Variants in HMGB1 observed in about 807,000 individuals in gnomAD.
HMGB1 encodes high mobility group box 1.
For synonymous variants in HMGB1, 81 were observed against 84.0 expected, an observed-to-expected ratio of 0.96 and a Z score of 0.19; for missense variants, 79 against 253.5, an observed-to-expected ratio of 0.31 and a Z score of 4.67.
At chr13:30,579,018 A>G (rs1036962153) in intron 1 of HMGB1, among the ~76,000 whole-genome samples, 12 of 152,326 alleles carry the variant, frequency 7.9e-5, no homozygotes, top group Admixed American at 6.5e-5. Flanking sequence ...ACTTACCACA[A>G]GTTATTATAA....
chr13:30,560,556 A>G (rs1036296430), intron 1 of HMGB1, among the ~76,000 whole-genome samples: 1 of 152,172 alleles, frequency 6.6e-6, no homozygotes, highest in African/African-American at 2.4e-5. Flanking sequence ...TTTCCTCCCA[A>G]GGAGTATAAA....
At chr13:30,553,709 T>A (rs1869539089) in intron 1 of HMGB1, 2 of 1,032,730 alleles carry the variant, frequency 1.9e-6, no homozygotes, top group East Asian at 2.4e-5. Context: ...AGGAGTTGGA[T>A]GCTCAGCATC....
At position 30,559,487 on chromosome 13, in the gene HMGB1, T is replaced by G. The variant is rs940357344; in HGVS notation, c.-15+57184A>C. On this transcript the variant is annotated intron_variant, in intron 1 of 4. Transcript: ENST00000405805. This position sits in a 1 kb window ranked among gnomAD's most constrained non-coding sequence, Gnocchi z 6.6. ...AGCCAGACTCAAACCAACTGTGTAC[T>G]CTGTCCACACCTCTTCAGCAATATG... Among the ~76,000 whole-genome samples, 4 of 152,222 alleles carry G rather than the reference T, an allele frequency of 2.6e-5. No homozygotes were observed. Among genetic ancestry groups the G allele is most frequent in the Non-Finnish European group, 5.9e-5 (4 of 68,030 alleles).
chr13:30,563,395 C>T (rs760460748), intron 1 of HMGB1, among the ~76,000 whole-genome samples: 3 of 152,084 alleles, frequency 2.0e-5, no homozygotes, highest in Non-Finnish European at 4.4e-5. Flanking sequence ...GATCACTTAA[C>T]TCCAGGAGTT....
intron 1 of HMGB1, among the ~76,000 whole-genome samples, chr13:30,471,263 C>T (rs1420025283): frequency 6.6e-6 from 1 of 152,146 alleles, no homozygotes; most frequent in African/African-American, 2.4e-5. Context: ...AGCCAGCGCG[C>T]CTGGCCTATT....
chr13:30,554,399 A>T, intron 1 of HMGB1: 1 of 826,716 alleles, frequency 1.2e-6, no homozygotes, highest in Non-Finnish European at 2.1e-6. Context: ...TTATATTAAC[A>T]TTAAACAAGT....
chr13:30,494,490 T>TC (rs1253587172), intron 1 of HMGB1, among the ~76,000 whole-genome samples: 1 of 152,100 alleles, frequency 6.6e-6, no homozygotes, highest in African/African-American at 2.4e-5. Flanking sequence ...GCCTCCGGTG[T>TC]AGCTGGGATT....
rs60947686 is a variant in HMGB1, at chr13:30,578,368, CTTTTTTTTTTTT to C, written c.-15+38291_-15+38302del. ...TCAAGATCAGAGACCAGTTCTTGTT[CTTTTTTTTTTTT>C]TTTTTTTTTTTTTTTGTATCACAGT... On this transcript the variant is annotated intron_variant, in intron 1 of 4. Coordinates refer to the HMGB1 transcript ENST00000405805. Among the ~76,000 whole-genome samples the C allele has an allele frequency of 3.4e-4, 20 of 59,322 alleles. 1 individual carries two copies. Among genetic ancestry groups the C allele is most frequent in the African/African-American group, 1.1e-3 (17 of 15,074 alleles). The allele number at this position is 59,322 out of a possible 152,430, so 38.9% of individuals were successfully genotyped here.
At chr13:30,590,817 A>G (rs1871336164) in intron 1 of HMGB1, among the ~76,000 whole-genome samples, 2 of 152,148 alleles carry the variant, frequency 1.3e-5, no homozygotes, top group African/African-American at 4.8e-5. Flanking sequence ...CACACCACGA[A>G]GGCACCATGT....
At chr13:30,566,841 A>C (rs1051890644) in intron 1 of HMGB1, among the ~76,000 whole-genome samples, 2 of 152,250 alleles carry the variant, frequency 1.3e-5, no homozygotes, top group Non-Finnish European at 2.9e-5. Flanking sequence ...CAGTGATGAA[A>C]TATTTGAAAT....
chr13:30,479,753 T>C (rs1199589564), intron 1 of HMGB1, among the ~76,000 whole-genome samples: 1 of 152,234 alleles, frequency 6.6e-6, no homozygotes, highest in African/African-American at 2.4e-5. Flanking sequence ...TGAGTTTCAA[T>C]GAGCTCATAT....
intron 1 of HMGB1, among the ~76,000 whole-genome samples, chr13:30,544,644 G>A (rs944297228): frequency 6.6e-6 from 1 of 152,152 alleles, no homozygotes; most frequent in South Asian, 2.1e-4. Context: ...CCCCACACCT[G>A]GCCCTATGCA....
intron 1 of HMGB1, among the ~76,000 whole-genome samples, chr13:30,596,592 T>C (rs1298624171): frequency 6.6e-6 from 1 of 152,236 alleles, no homozygotes; most frequent in Non-Finnish European, 1.5e-5. Flanking sequence ...GAGTTGTGAC[T>C]AGAACCTGTT....
At chr13:30,582,530 C>T (rs1446599302) in intron 1 of HMGB1, among the ~76,000 whole-genome samples, 6 of 151,666 alleles carry the variant, frequency 4.0e-5, no homozygotes, top group South Asian at 2.1e-4. Context: ...CCCAGCTACT[C>T]GGGAGGCTGA....
rs1401317995 is a variant in HMGB1, at chr13:30,459,398, C to T, written c.*1959G>A. The T allele has an allele frequency of 6.6e-6, 1 of 152,144 alleles. No individual in the cohort carries two copies. Among genetic ancestry groups the T allele is most frequent in the East Asian group, 1.9e-4 (1 of 5,200 alleles). The allele number at this position is 152,144 out of a possible 1,614,324, so 9.4% of individuals were successfully genotyped here. A position where few individuals can be genotyped will look rare whatever the true frequency, so the allele number is the denominator to read the frequency against. On this transcript the variant is annotated 3_prime_UTR_variant, in exon 5 of 5. Transcript: ENST00000341423. Reference sequence around the variant, plus strand: ...GACGTACCTACTAAAGTTACAAATTCTCCTTGAGCCAGAATTCATTTTAAA... The same window carrying T: ...GACGTACCTACTAAAGTTACAAATTTTCCTTGAGCCAGAATTCATTTTAAA...
At chr13:30,506,699 G>A (rs1368093827) in intron 1 of HMGB1, among the ~76,000 whole-genome samples, 1 of 152,246 alleles carries the variant, frequency 6.6e-6, no homozygotes, top group East Asian at 1.9e-4. Flanking sequence ...TGGCCTGGCT[G>A]GTTTGGCATT....
At chr13:30,489,644 T>C (rs1593271901) in intron 1 of HMGB1, among the ~76,000 whole-genome samples, 1 of 152,188 alleles carries the variant, frequency 6.6e-6, no homozygotes, top group Non-Finnish European at 1.5e-5. Context: ...TACGAATAGA[T>C]TCCTTGGCCC....
intron 1 of HMGB1, among the ~76,000 whole-genome samples, chr13:30,476,276 T>C (rs566204357): frequency 5.3e-4 from 81 of 152,168 alleles, no homozygotes; most frequent in African/African-American, 1.9e-3. Context: ...GTAGTGGGAT[T>C]ACAGGCGCAA....
At chr13:30,472,672 T>C (rs1432320726) in intron 1 of HMGB1, among the ~76,000 whole-genome samples, 1 of 152,128 alleles carries the variant, frequency 6.6e-6, no homozygotes, top group Non-Finnish European at 1.5e-5. Flanking sequence ...AAGTTTTTCA[T>C]TGGTTGAAAA....
Sources: gnomAD v4.1 joint callset for allele counts (sites outside exome capture counted in the v4.1 genomes callset) on GRCh38, gnomAD v4.1.1 for gene constraint, Gnocchi (gnomAD v3.1) non-coding constraint, MANE v1.5 for transcripts, NCBI Gene and HGNC (gene_info 2026-07-23, HGNC 2026-07-21) for gene names.